Variants in TSPAN7 observed in about 807,000 individuals in gnomAD.
TSPAN7 encodes the protein tetraspanin 7, also known as tetraspanin-7.
A neutral mutation model predicts 17.6 loss-of-function variants in TSPAN7; 1 was observed. The ratio of observed to expected loss-of-function variants is 0.06; its 90% confidence interval spans 0.02 to 0.27. The LOEUF (loss-of-function observed/expected upper bound fraction) is 0.27. Among genes scored for constraint, TSPAN7 ranks in the 10% least tolerant of loss-of-function variants. The pLI is 1.00. For synonymous variants in TSPAN7, 78 were observed against 79.0 expected (o/e 0.99, Z 0.07); for missense variants, 112 against 201.7 (o/e 0.56, Z 2.69).
At chrX:38,629,389 T>C (rs1176063089) in intron 1 of TSPAN7, among the ~76,000 whole-genome samples, 1 of 112,634 alleles carries the variant, frequency 8.9e-6, no homozygotes, top group Non-Finnish European at 1.9e-5. Context: ...GCATCCCTAA[T>C]TATCACACGG....
intron 1 of TSPAN7, among the ~76,000 whole-genome samples, chrX:38,612,161 G>A (rs745386451): frequency 2.7e-5 from 3 of 111,425 alleles, no homozygotes; most frequent in Admixed American, 9.5e-5. Flanking sequence ...TGAATCTGAG[G>A]AAAAATGGGT....
At chrX:38,663,006 A>G (rs2069756656) in intron 1 of TSPAN7, among the ~76,000 whole-genome samples, 1 of 110,773 alleles carries the variant, frequency 9.0e-6, no homozygotes, top group African/African-American at 3.3e-5. Flanking sequence ...TATAAAGACC[A>G]CCAAGGTCTT....
intron 1 of TSPAN7, among the ~76,000 whole-genome samples, chrX:38,627,880 C>A (rs2069530194): frequency 8.9e-6 from 1 of 112,736 alleles, no homozygotes; most frequent in Non-Finnish European, 1.9e-5. Context: ...TGCCCTCCAC[C>A]CAGCCCTTGC....
At chrX:38,564,122 C>T (rs749874460) in intron 1 of TSPAN7, among the ~76,000 whole-genome samples, 1 of 110,395 alleles carries the variant, frequency 9.1e-6, no homozygotes, top group Non-Finnish European at 1.9e-5. Context: ...ATCCCGTTTA[C>T]CCCCCAATTT....
chrX:38,640,708 T>C (rs1449753487), intron 1 of TSPAN7, among the ~76,000 whole-genome samples: 3 of 112,456 alleles, frequency 2.7e-5, no homozygotes, highest in Non-Finnish European at 5.6e-5. Flanking sequence ...ATGCTAACAT[T>C]TAACTACAGA....
rs2069939337 is a variant in TSPAN7 at position 38,688,752 on chromosome X, T to A, written c.*821T>A. On this transcript the variant is annotated 3_prime_UTR_variant, in exon 8 of 8. Coordinates refer to ENST00000378482, the MANE Select transcript of TSPAN7 (RefSeq NM_004615.4). ...TTTCTTGCATTGACATTATAGACAT[T>A]GAGGACCTCATCCAAACAATTTAAA... The A allele has an allele frequency of 8.9e-6, 1 of 112,729 alleles. No individual in the cohort carries two copies. Among genetic ancestry groups the A allele is most frequent in the Admixed American group, 9.4e-5 (1 of 10,609 alleles). 9.3% of individuals were successfully genotyped at this position (112,729 alleles called of 1,213,427 possible).
At chrX:38,637,951 C>T (rs756856404) in intron 1 of TSPAN7, among the ~76,000 whole-genome samples, 94 of 111,690 alleles carry the variant, frequency 8.4e-4, no homozygotes, top group Admixed American at 4.0e-3. Flanking sequence ...GCTCCAGCCC[C>T]GGGGGACTTC....
At chrX:38,657,285 G>A (rs1227836266) in intron 1 of TSPAN7, among the ~76,000 whole-genome samples, 1 of 111,660 alleles carries the variant, frequency 9.0e-6, no homozygotes, top group Admixed American at 9.5e-5. Context: ...TTAACAAGGT[G>A]GCATTTATTA....
intron 1 of TSPAN7, among the ~76,000 whole-genome samples, chrX:38,588,728 T>A (rs903719970): frequency 1.8e-5 from 2 of 112,016 alleles, no homozygotes; most frequent in Admixed American, 9.5e-5. Context: ...GACTATTTTT[T>A]GTTTGGATGT....
At chrX:38,635,385 A>G (rs1254770422) in intron 1 of TSPAN7, among the ~76,000 whole-genome samples, 1 of 111,393 alleles carries the variant, frequency 9.0e-6, no homozygotes, top group Admixed American at 9.5e-5. Context: ...GTAGAAAAAT[A>G]CTATGAAATA....
intron 1 of TSPAN7, among the ~76,000 whole-genome samples, chrX:38,567,108 A>G (rs765413610): frequency 1.8e-5 from 2 of 109,614 alleles, no homozygotes; most frequent in African/African-American, 6.7e-5. Flanking sequence ...TTTTTTGTCC[A>G]GAAAGTTTAG....
chrX:38,606,098 A>G (rs1303472579), intron 1 of TSPAN7, among the ~76,000 whole-genome samples: 2 of 108,798 alleles, frequency 1.8e-5, no homozygotes, highest in African/African-American at 6.7e-5. Flanking sequence ...GCACAGCAAA[A>G]GAAACTACCA....
chrX:38,588,019 T>G lies in TSPAN7; in HGVS notation c.81+26392T>G, dbSNP rs748442003. ...CCATTGCTGAACCACCTTCTTAGAG[T>G]GAGAGGTTTGTCTTGACCACTAATT... On this transcript the variant is annotated intron_variant, in intron 1 of 7. Coordinates refer to ENST00000378482, the MANE Select transcript of TSPAN7 (RefSeq NM_004615.4). 9.0e-5 allele frequency among the ~76,000 whole-genome samples: 10 copies of G among 111,224 alleles called. No homozygotes were observed. The South Asian group carries it at 3.8e-3, about 42-fold the overall frequency.
intron 1 of TSPAN7, among the ~76,000 whole-genome samples, chrX:38,594,876 A>G (rs1171533139): frequency 3.6e-5 from 4 of 111,321 alleles, no homozygotes; most frequent in Non-Finnish European, 7.6e-5. Context: ...CGGTGAGGAC[A>G]CTTAAAGTCT....
Position 38,562,927 on chromosome X carries a change from C to A in TSPAN7, c.81+1300C>A, listed in dbSNP as rs1223326856. The A allele has an allele frequency of 6.6e-6, 6 of 915,736 alleles. No homozygotes were observed. The Admixed American group carries it at 2.0e-4, about 30-fold the overall frequency. 75.5% of individuals were successfully genotyped at this position (915,736 alleles called of 1,213,427 possible). A position where few individuals can be genotyped will look rare whatever the true frequency, so the allele number is the denominator to read the frequency against. On this transcript the variant is annotated intron_variant, in intron 1 of 7. Coordinates refer to ENST00000378482, the MANE Select transcript of TSPAN7 (RefSeq NM_004615.4). Reference sequence around the variant, plus strand: ...TTGTTTTCTTCTTGCACCCCTCACCCCCGCCCCTCACCCACCACCATATAT... The same window carrying A: ...TTGTTTTCTTCTTGCACCCCTCACCACCGCCCCTCACCCACCACCATATAT...
intron 4 of TSPAN7, among the ~76,000 whole-genome samples, chrX:38,674,784 G>A (rs2069842494): frequency 9.0e-6 from 1 of 110,714 alleles, no homozygotes; most frequent in African/African-American, 3.3e-5. Flanking sequence ...AAGGTGGTGA[G>A]CTGCCTGATG....
chrX:38,685,620 G>A (rs751671529), intron 6 of TSPAN7, among the ~76,000 whole-genome samples: 5 of 111,736 alleles, frequency 4.5e-5, no homozygotes, highest in Non-Finnish European at 9.4e-5. Flanking sequence ...TCATCACTCC[G>A]TATCTGCAGG....
rs1336922582 is a variant in TSPAN7, at chrX:38,565,154, T to C, written c.81+3527T>C. 2.7e-5 allele frequency among the ~76,000 whole-genome samples: 3 copies of C among 112,125 alleles called. No homozygotes were observed. In the Admixed American group the frequency reaches 2.8e-4, roughly 11 times the overall value. On this transcript the variant is annotated intron_variant, in intron 1 of 7. Coordinates refer to ENST00000378482, the MANE Select transcript of TSPAN7 (RefSeq NM_004615.4). ...AGAACTATGTCTGGCACATAGTAGGTACTCAAATATTTGTCAAAACTTCTG... is the reference window on the plus strand; with the variant it reads ...AGAACTATGTCTGGCACATAGTAGGCACTCAAATATTTGTCAAAACTTCTG...
chrX:38,563,201 G>A, intron 1 of TSPAN7: 1 of 843,730 alleles, frequency 1.2e-6, no homozygotes, highest in Non-Finnish European at 1.5e-6. Context: ...AGATTAACTG[G>A]CATATTGCAC....
Sources: allele counts gnomAD v4.1 joint callset (sites outside exome capture counted in the v4.1 genomes callset), GRCh38; gene constraint gnomAD v4.1.1; transcripts MANE v1.5; gene names NCBI Gene and HGNC (gene_info 2026-07-23, HGNC 2026-07-21).